The following MRO variants were observed in gnomAD, a reference collection of about 807,000 sequenced individuals.
MRO encodes the protein maestro, also known as protein maestro.
MRO carries 28 observed loss-of-function variants against 31.0 expected under a neutral mutation model. The ratio of observed to expected loss-of-function variants is 0.90; its 90% CI spans 0.67 to 1.24. The LOEUF is 1.24. Ranked by LOEUF, MRO falls within the 50% of genes most tolerant of loss-of-function variation. The pLI, the probability that MRO is intolerant of heterozygous loss-of-function variation, is 0.00. For missense variants in MRO, 332 were observed against 289.2 expected, an observed-to-expected ratio of 1.15 and a Z score of -1.07; for synonymous variants, 108 against 108.4, an observed-to-expected ratio of 1.00 and a Z score of 0.02.
At chr18:50,822,365 G>A (rs1372042573), upstream of MRO, among the ~76,000 whole-genome samples, 1 of 88,038 alleles carries the variant, frequency 1.1e-5, no homozygotes, top group East Asian at 2.6e-4. Flanking sequence ...TTGAGACAGG[G>A]TCTCACTCTG....
chr18:50,806,676 C>T, intron 4 of MRO, 28 bp downstream of exon 4: 1 of 1,613,222 alleles, frequency 6.2e-7, no homozygotes, highest in Non-Finnish European at 8.5e-7. Flanking sequence ...GCTTGGGGAG[C>T]TGGCTGAGCC....
intron 1 of MRO, among the ~76,000 whole-genome samples, chr18:50,825,024 G>A (rs113483880): frequency 0.12 from 17,601 of 147,248 alleles, 1,114 homozygotes; most frequent in South Asian, 0.15. Context: ...AGCCGAGATC[G>A]CACCACTGCA....
chr18:50,800,495 C>A (rs1462845164), intron 6 of MRO, among the ~76,000 whole-genome samples: 2 of 152,230 alleles, frequency 1.3e-5, no homozygotes, highest in African/African-American at 2.4e-5. Flanking sequence ...GAAACGTTCA[C>A]CAAGTCCCAC....
At chr18:50,800,503 C>T (rs769596533) in intron 6 of MRO, among the ~76,000 whole-genome samples, 1 of 152,200 alleles carries the variant, frequency 6.6e-6, no homozygotes, top group Non-Finnish European at 1.5e-5. Context: ...CACCAAGTCC[C>T]ACTCCAAAGC....
chr18:50,818,164 T>C (rs916761766), intron 2 of MRO, among the ~76,000 whole-genome samples: 2 of 152,194 alleles, frequency 1.3e-5, no homozygotes, highest in African/African-American at 2.4e-5. Context: ...AGTATACAGA[T>C]TCCAAGATTT....
At chr18:50,817,946 C>T (rs888203279) in intron 2 of MRO, among the ~76,000 whole-genome samples, 1 of 152,058 alleles carries the variant, frequency 6.6e-6, no homozygotes, top group Non-Finnish European at 1.5e-5. Flanking sequence ...CAAGGCCCCT[C>T]GCTGGAGCCT....
intron 5 of MRO, among the ~76,000 whole-genome samples, chr18:50,803,643 C>G (rs527279185): frequency 1.3e-5 from 2 of 152,360 alleles, no homozygotes; most frequent in Admixed American, 6.5e-5. Flanking sequence ...CGCCCGCTCC[C>G]TCCCCAGAGA....
At chr18:50,817,673 C>A (rs1313797261) in intron 2 of MRO, among the ~76,000 whole-genome samples, 1 of 151,952 alleles carries the variant, frequency 6.6e-6, no homozygotes, top group Non-Finnish European at 1.5e-5. Flanking sequence ...TAAAGCTAAT[C>A]CGAGCCCATG....
intron 5 of MRO, among the ~76,000 whole-genome samples, chr18:50,803,504 C>G (rs1247338696): frequency 6.7e-6 from 1 of 149,414 alleles, no homozygotes; most frequent in Non-Finnish European, 1.5e-5. Context: ...GAGACCCTGT[C>G]TCAAAAAAAA....
chr18:50,822,977 G>A (rs1333734073), upstream of MRO, among the ~76,000 whole-genome samples: 1 of 152,108 alleles, frequency 6.6e-6, no homozygotes, highest in African/African-American at 2.4e-5. Flanking sequence ...AAGAGCCAAG[G>A]AGAGGAGGTG....
chr18:50,823,052 G>T (rs1268093497), upstream of MRO, among the ~76,000 whole-genome samples: 1 of 152,076 alleles, frequency 6.6e-6, no homozygotes, highest in African/African-American at 2.4e-5. Context: ...CTACTCCTGC[G>T]CTTAGTGAAA....
intron 4 of MRO, among the ~76,000 whole-genome samples, chr18:50,806,478 G>A (rs774183974): frequency 3.9e-5 from 6 of 152,202 alleles, no homozygotes; most frequent in South Asian, 2.1e-4. Context: ...TTGCAGCCTC[G>A]TGAGATCCTA....
chr18:50,806,666 G>A (rs1269585640), intron 4 of MRO, 38 bp downstream of exon 4: 14 of 1,613,132 alleles, frequency 8.7e-6, no homozygotes, highest in Non-Finnish European at 1.1e-5. Flanking sequence ...GGTTGGAGAG[G>A]CTTGGGGAGC....
intron 5 of MRO, 93 bp from the exon 6 acceptor site, chr18:50,801,597 T>A: frequency 1.7e-6 from 2 of 1,187,440 alleles, no homozygotes; most frequent in Admixed American, 4.5e-5. Flanking sequence ...TCAGAACACA[T>A]CACAGCCGTC....
intron 2 of MRO, 79 bp downstream of exon 2, chr18:50,819,502 C>A: frequency 1.3e-6 from 2 of 1,524,602 alleles, no homozygotes; most frequent in Non-Finnish European, 1.8e-6. Flanking sequence ...AGTGACATTC[C>A]AGAAAGGTTT....
chr18:50,815,967 G>A (rs541366310), intron 2 of MRO, among the ~76,000 whole-genome samples: 44 of 152,312 alleles, frequency 2.9e-4, no homozygotes, highest in African/African-American at 9.9e-4. Flanking sequence ...CCGGGAGGCA[G>A]AGGTTGCAAT....
At chr18:50,806,919 C>T (rs190280327) in intron 3 of MRO, 69 bp from the exon 4 acceptor site, 1 of 1,485,660 alleles carries the variant, frequency 6.7e-7, no homozygotes, top group East Asian at 2.3e-5. Context: ...ACCCCAATCT[C>T]TCCCTCTAAA....
chr18:50,817,266 G>A (rs1915001968), intron 2 of MRO, among the ~76,000 whole-genome samples: 1 of 152,218 alleles, frequency 6.6e-6, no homozygotes, highest in African/African-American at 2.4e-5. Context: ...TCAATCTTGG[G>A]TGCAGGAAAA....
chr18:50,822,396 T>C (rs1915334875), upstream of MRO, among the ~76,000 whole-genome samples: 1 of 135,634 alleles, frequency 7.4e-6, no homozygotes, highest in South Asian at 2.4e-4. Context: ...TGGAGTGCAG[T>C]GGGGGGAACT....
Sources: allele counts gnomAD v4.1 joint callset (sites outside exome capture counted in the v4.1 genomes callset), GRCh38; gene constraint gnomAD v4.1.1; transcripts MANE v1.5; gene names NCBI Gene and HGNC (gene_info 2026-07-23, HGNC 2026-07-21).